PLK2: variants seen among roughly 807,000 people sequenced by gnomAD.
The protein encoded by PLK2 is serine/threonine-protein kinase PLK2.
In PLK2, 25 loss-of-function variants were observed where a neutral mutation model predicts 78.1. The ratio of observed to expected loss-of-function variants is 0.32; its 90% CI spans 0.23 to 0.45. The LOEUF (loss-of-function observed/expected upper bound fraction) is 0.45. Ranked by LOEUF, PLK2 falls within the 20% of genes least tolerant of loss-of-function variation. PLK2 has a pLI of 1.00. For synonymous variants in PLK2, 332 were observed against 298.2 expected (o/e 1.11, Z -1.17); for missense variants, 566 against 840.2 (o/e 0.67, Z 4.04).
chr5:58,455,755 C>T lies in PLK2; in HGVS notation c.1409G>A (p.Ser470Asn). Residue 470 changes from serine to asparagine, a missense_variant, in exon 11 of 14, where the codon AGT becomes AAT. Around this residue, in one of 5 missense-constraint regions of PLK2, gnomAD observed 129 missense variants for 156.0 expected, o/e 0.83. Coordinates refer to ENST00000274289, the MANE Select transcript of PLK2 (RefSeq NM_006622.4). The stretch of plus-strand genomic sequence containing the variant: ...AACCCTTGCCACTGTGTCTGCAACA[C>T]TTCCCATGGTACTGTCTTCAAGGCC... ...SECLEDSTMGSVADTVARVLR... is the reference protein window; with the variant it reads ...SECLEDSTMGNVADTVARVLR... 1 of 1,613,772 alleles carries T rather than the reference C, an allele frequency of 6.2e-7. No homozygotes were observed. The highest frequency in any genetic ancestry group is 8.5e-7 in the Non-Finnish European group (1 of 1,179,982).
chr5:58,459,615 G>T, intron 1 of PLK2, 75 bp downstream of exon 1: 1 of 1,317,856 alleles, frequency 7.6e-7, no homozygotes, highest in Non-Finnish European at 1.0e-6. Flanking sequence ...GAGGGACCCC[G>T]CGGGCTTGCC....
In PLK2 at chr5:58,458,151, CTTCA is replaced by C; in HGVS notation, c.642_645del (p.Asn214LysfsTer5). On this transcript the variant is annotated frameshift_variant, in exon 5 of 14. Transcript: ENST00000274289. LOFTEE classifies it high-confidence loss of function. ...AAGTCCCCAACTTTTAGTTCCATGG[CTTCA>C]TTAATAAAAAAGTTCCCTAGACGAT... 6.2e-7 allele frequency: 1 copy of C among 1,612,206 alleles called. No homozygotes were observed. Among genetic ancestry groups the C allele is most frequent in the Non-Finnish European group, 8.5e-7 (1 of 1,178,370 alleles).
intron 9 of PLK2, 111 bp from the exon 10 acceptor site, chr5:58,456,266 G>T: frequency 9.6e-7 from 1 of 1,042,170 alleles, no homozygotes. Context: ...TCATCAAAAA[G>T]CAATGGACAC....
Position 58,459,002 on chromosome 5 carries a change from G to T in PLK2, c.361C>A (p.Pro121Thr). ...ATACGCACCTTTTCCCTTTGATGAG[G>T]TTTAGCTACTCTGCTGTGAGGAATA... ...KIIPHSRVAK[P>T]HQREKIDKEI... Residue 121 changes from proline to threonine, a missense_variant, in exon 2 of 14, where the codon CCT becomes ACT. Pro to Thr is a conservative substitution (Grantham distance 38). This residue lies in a region of PLK2 where 179 missense variants were observed against 342.3 expected (regional missense o/e 0.52). Transcript: ENST00000274289. 1 of 1,596,244 alleles carries T rather than the reference G, an allele frequency of 6.3e-7. No individual in the cohort carries two copies. The highest frequency in any genetic ancestry group is 1.7e-5 in the Admixed American group (1 of 59,996).
At chr5:58,458,225 A>T in intron 4 of PLK2, 54 bp from the exon 5 acceptor site, 1 of 1,371,412 alleles carries the variant, frequency 7.3e-7, no homozygotes, top group Admixed American at 1.7e-5. Flanking sequence ...GTTCTAACCA[A>T]GTACACACAC....
In PLK2 at chr5:58,454,608, T is replaced by A; in HGVS notation, c.2033A>T (p.Asn678Ile). ...TCAGTTACATCTTTGTAAGAGCATG[T>A]TCAGGGCATATTCCATTCGATTTTT... ...ELKNRMEYAL[N>I]MLLQRCN Residue 678 changes from asparagine to isoleucine, a missense_variant, in exon 14 of 14, where the codon AAC (asparagine) becomes ATC (isoleucine). Physicochemically the swap from Asn to Ile is moderately radical, Grantham distance 149. Transcript: ENST00000274289. 3 of 1,613,280 alleles carry A rather than the reference T, an allele frequency of 1.9e-6. No individual in the cohort carries two copies. Among genetic ancestry groups the A allele is most frequent in the Admixed American group, 1.7e-5 (1 of 59,894 alleles).
At position 58,460,031 on chromosome 5, in the gene PLK2, C is replaced by T; in HGVS notation, c.-72G>A. ...GTCACACGTCCGAGCCGGCCGTGGT[C>T]CTCGCACCCTTGCCTCTGGTGCCGA... On this transcript the variant is annotated 5_prime_UTR_variant, in exon 1 of 14. Transcript: ENST00000274289. 3 of 1,506,374 alleles carry T rather than the reference C, an allele frequency of 2.0e-6. No individual in the cohort carries two copies. The highest frequency in any genetic ancestry group is 2.5e-5 in the South Asian group (2 of 79,596). The allele number at this position is 1,506,374 out of a possible 1,614,324, so 93.3% of individuals were successfully genotyped here.
rs149174454 is a variant in PLK2 at position 58,459,948 on chromosome 5, C to T, written c.12G>A (p.Leu4=). 4.4e-5 allele frequency: 70 copies of T among 1,604,214 alleles called. No homozygotes were observed. In the African/African-American group the frequency reaches 8.7e-4, roughly 20 times the overall value. ...CGGCTGGCTGGTAGGTGATAGTCCG[C>T]AAAAGCTCCATGGTCGCCTTGCCGC... MEL[L]RTITYQPAAS... is the part of the protein sequence containing the mutation. The change falls in exon 1 of 14, where the codon TTG becomes TTA. Residue 4 remains leucine (L), a synonymous_variant. Coordinates refer to ENST00000274289, the MANE Select transcript of PLK2 (RefSeq NM_006622.4).
At chr5:58,455,873 G>A (rs950822470) in intron 10 of PLK2, 94 bp from the exon 11 acceptor site, 6 of 1,503,056 alleles carry the variant, frequency 4.0e-6, no homozygotes, top group Non-Finnish European at 5.4e-6. Context: ...CCATTAATTC[G>A]AAAGACATAG....
At position 58,459,743 on chromosome 5, in the gene PLK2, T is replaced by C. The variant is rs566617828; in HGVS notation, c.217A>G (p.Ile73Val). 60 of 1,606,800 alleles carry C rather than the reference T, an allele frequency of 3.7e-5. No individual in the cohort carries two copies. Among genetic ancestry groups the C allele is most frequent in the Admixed American group, 1.5e-4 (9 of 59,968 alleles). Residue 73 changes from isoleucine to valine, a missense_variant, in exon 1 of 14, where the codon ATC (isoleucine) becomes GTC (valine). Physicochemically the swap from Ile to Val is conservative, Grantham distance 29 (BLOSUM62 3). Around this residue, in one of 5 missense-constraint regions of PLK2, gnomAD observed 127 missense variants for 122.5 expected, o/e 1.04. Transcript: ENST00000274289. The stretch of plus-strand genomic sequence containing the variant: ...CGCTTCCCAGTCGTGGGGTCGACGA[T>C]AATCCGCGAGATCTCCGGCCCCGAG... ...SHSGPEISRI[I>V]VDPTTGKRYC...
Position 58,455,734 on chromosome 5 carries a change from C to G in PLK2, c.1430G>C (p.Arg477Thr). Residue 477 changes from arginine to threonine, a missense_variant, in exon 11 of 14, where the codon AGG becomes ACG. By Grantham distance (71) the Arg-to-Thr change is moderately conservative. Coordinates refer to ENST00000274289, the MANE Select transcript of PLK2 (RefSeq NM_006622.4). ...GTTTTCCAGACATCCCCGAAGAACC[C>G]TTGCCACTGTGTCTGCAACACTTCC... ...TMGSVADTVA[R>T]VLRGCLENMP... is the part of the protein sequence containing the mutation. 6.2e-7 allele frequency: 1 copy of G among 1,614,084 alleles called. No individual in the cohort carries two copies. Among genetic ancestry groups the G allele is most frequent in the South Asian group, 1.1e-5 (1 of 91,084 alleles).
intron 9 of PLK2, 87 bp downstream of exon 9, chr5:58,456,405 C>T: frequency 1.1e-6 from 1 of 890,824 alleles, no homozygotes; most frequent in Non-Finnish European, 1.8e-6. Flanking sequence ...CATATTTGAA[C>T]CATGATAATC....
Position 58,456,736 on chromosome 5 carries a change from G to C in PLK2, c.1157-147C>G, listed in dbSNP as rs12513905. On this transcript the variant is annotated intron_variant, in intron 8 of 13. Transcript: ENST00000274289. ...CATTTTACCTTTGCCTTTAGCTGCA[G>C]CTACCCCCAAAAGCCCTCTTTAGTG... 74,355 of 648,254 alleles carry C rather than the reference G, an allele frequency of 0.11. 5,001 individuals carry two copies. The highest frequency in any genetic ancestry group is 0.18 in the Admixed American group (5,762 of 31,344). The allele number at this position is 648,254 out of a possible 1,614,324, so 40.2% of individuals were successfully genotyped here. A position where few individuals can be genotyped will look rare whatever the true frequency, so the allele number is the denominator to read the frequency against.
intron 10 of PLK2, 98 bp downstream of exon 10, chr5:58,455,928 G>T: frequency 6.8e-7 from 1 of 1,479,704 alleles, no homozygotes; most frequent in African/African-American, 1.4e-5. Context: ...CTACTTCTAT[G>T]TTAAATTAAG....
At position 58,454,700 on chromosome 5, in the gene PLK2, A is replaced by G; in HGVS notation, c.1941T>C (p.Asn647=). The change falls in exon 14 of 14, where the codon AAT becomes AAC. Residue 647 remains asparagine, a synonymous_variant. Coordinates refer to ENST00000274289, the MANE Select transcript of PLK2 (RefSeq NM_006622.4). ...QNEEYLLTYI[N]EDRISTTFRL... ...TGAAAGTTGTAGATATCCTATCCTC[A>G]TTGATGTAGGTGAGAAGGTATTCTT... 3 of 1,613,088 alleles carry G rather than the reference A, an allele frequency of 1.9e-6. No individual in the cohort carries two copies. Among genetic ancestry groups the G allele is most frequent in the Non-Finnish European group, 2.5e-6 (3 of 1,179,070 alleles).
At position 58,456,862 on chromosome 5, in the gene PLK2, A is replaced by C. The variant is rs1350458064; in HGVS notation, c.1156+83T>G. 4 of 882,290 alleles carry C rather than the reference A, an allele frequency of 4.5e-6. No homozygotes were observed. In the East Asian group the frequency reaches 1.0e-4, roughly 23 times the overall value. 54.7% of individuals were successfully genotyped at this position (882,290 alleles called of 1,614,324 possible). A position where few individuals can be genotyped will look rare whatever the true frequency, so the allele number is the denominator to read the frequency against. On this transcript the variant is annotated intron_variant, in intron 8 of 13. Coordinates refer to ENST00000274289, the MANE Select transcript of PLK2 (RefSeq NM_006622.4). ...ACGCAAATATGGCCAAGTTATGCTA[A>C]TATAAAATTCTCTTTTAACTAATTT...
rs772367446 is a variant in PLK2 at position 58,456,957 on chromosome 5, T to C, written c.1144A>G (p.Ile382Val). Reference sequence around the variant, plus strand: ...CTTGTTAACTTACTATGTGTGTCAATATATCTTGCTTTGTCTTTTTTGCCA... The same window carrying C: ...CTTGTTAACTTACTATGTGTGTCAACATATCTTGCTTTGTCTTTTTTGCCA... ...FGGKKDKARYIDTHNRVSKED... is the reference protein window; with the variant it reads ...FGGKKDKARYVDTHNRVSKED... Residue 382 changes from isoleucine to valine, a missense_variant, in exon 8 of 14, where the codon ATT becomes GTT. Physicochemically the swap from Ile to Val is conservative, Grantham distance 29. Around this residue, in one of 5 missense-constraint regions of PLK2, gnomAD observed 129 missense variants for 156.0 expected, o/e 0.83. Transcript: ENST00000274289. 5 of 1,604,192 alleles carry C rather than the reference T, an allele frequency of 3.1e-6. No homozygotes were observed. The highest frequency in any genetic ancestry group is 4.3e-6 in the Non-Finnish European group (5 of 1,173,876).
chr5:58,456,280 C>T, intron 9 of PLK2, 125 bp from the exon 10 acceptor site: 1 of 951,418 alleles, frequency 1.1e-6, no homozygotes, highest in South Asian at 1.6e-5. Flanking sequence ...TGGACACAAG[C>T]CAGATAAAAG....
chr5:58,458,237 T>A lies in PLK2; in HGVS notation c.626-66A>T, dbSNP rs756889125. ...TGCGTTCTAACCAAGTACACACACA[T>A]CCACTTTGGAGCCAGGCAGCCAATT... is the stretch of plus-strand genomic sequence containing the variant. On this transcript the variant is annotated intron_variant, in intron 4 of 13. Transcript: ENST00000274289. The A allele has an allele frequency of 6.0e-6, 8 of 1,336,316 alleles. No individual in the cohort carries two copies. In the South Asian group the frequency reaches 8.2e-5, roughly 14 times the overall value. 82.8% of individuals were successfully genotyped at this position (1,336,316 alleles called of 1,614,324 possible). A position where few individuals can be genotyped will look rare whatever the true frequency, so the allele number is the denominator to read the frequency against.
Sources: gnomAD v4.1 joint callset for allele counts on GRCh38, gnomAD v4.1.1 for gene constraint, gnomAD v4.1.1 regional missense constraint, MANE v1.5 for transcripts, NCBI Gene and HGNC (gene_info 2026-07-23, HGNC 2026-07-21) for gene names.